The following SLC12A2 variants were observed in gnomAD, a reference collection of about 807,000 sequenced individuals.
SLC12A2 encodes the protein Na-K-2Cl cotransporter 1.
SLC12A2 carries 67 observed loss-of-function variants against 136.3 expected under a neutral mutation model. The observed-to-expected ratio is 0.49, with a 90% CI of 0.40 to 0.60. SLC12A2 has a LOEUF of 0.60. Among genes scored for constraint, SLC12A2 ranks in the 20% least tolerant of loss-of-function variants. SLC12A2 has a pLI of 0.00. For missense variants in SLC12A2, 1,322 were observed against 1,534.7 expected, an observed-to-expected ratio of 0.86 and a Z score of 2.32; for synonymous variants, 619 against 562.9, an observed-to-expected ratio of 1.10 and a Z score of -1.41.
At chr5:128,107,034 G>T (rs116089879) in intron 1 of SLC12A2, among the ~76,000 whole-genome samples, 2,082 of 151,874 alleles carry the variant, frequency 0.014, 50 homozygotes, top group African/African-American at 0.048. Context: ...GTATTCTATG[G>T]TGAAAGATAA....
chr5:128,152,599 T>C, intron 14 of SLC12A2, 107 bp from the exon 15 acceptor site: 1 of 741,112 alleles, frequency 1.3e-6, no homozygotes, highest in Admixed American at 1.9e-5. Flanking sequence ...ATTTCAGCAA[T>C]TGACTTTTTA....
At chr5:128,154,278 T>C (rs755987412) in intron 15 of SLC12A2, among the ~76,000 whole-genome samples, 1 of 151,936 alleles carries the variant, frequency 6.6e-6, no homozygotes, top group Non-Finnish European at 1.5e-5. Context: ...ATTTACAAAA[T>C]AGCCAAGTAT....
rs1348618360 is a variant in SLC12A2 at position 128,148,754 on chromosome 5, G to A, written c.1882G>A (p.Ala628Thr). ...TCATTTTAATGTTTTCTTTCATTAG[G>A]CTCTATGTAAGGACAACATCTACCC... ...SLVSAPKIFQ[A>T]LCKDNIYPAF... Residue 628 changes from alanine (A) to threonine (T), a missense_variant and splice_region_variant, in exon 12 of 27, where the codon GCT becomes ACT. Transcript: ENST00000262461. 1 of 1,580,344 alleles carries A rather than the reference G, an allele frequency of 6.3e-7. No individual in the cohort carries two copies. The highest frequency in any genetic ancestry group is 1.4e-5 in the African/African-American group (1 of 72,954).
At chr5:128,177,409 AT>A in intron 21 of SLC12A2, 54 of 291,314 alleles carry the variant, frequency 1.9e-4, no homozygotes, top group Non-Finnish European at 2.6e-4. Context: ...GCCGGTATTA[AT>A]TTTTTTTAAT....
At position 128,186,987 on chromosome 5, in the gene SLC12A2, A is replaced by T; in HGVS notation, c.*356A>T. 5.7e-6 allele frequency: 1 copy of T among 175,388 alleles called. No individual in the cohort carries two copies. The highest frequency in any genetic ancestry group is 1.5e-4 in the East Asian group (1 of 6,560). The allele number at this position is 175,388 out of a possible 1,614,324, so 10.9% of individuals were successfully genotyped here. A position where few individuals can be genotyped will look rare whatever the true frequency, so the allele number is the denominator to read the frequency against. ...TGCCTTCTGAAATTAACCAAATTTCATCCATATATCCTCTTTTATAAACTT... is the reference window on the plus strand; with the variant it reads ...TGCCTTCTGAAATTAACCAAATTTCTTCCATATATCCTCTTTTATAAACTT... On this transcript the variant is annotated 3_prime_UTR_variant, in exon 27 of 27. Transcript: ENST00000262461.
intron 9 of SLC12A2, 103 bp from the exon 10 acceptor site, chr5:128,141,727 G>A (rs1387675251): frequency 7.1e-6 from 6 of 847,482 alleles, no homozygotes; most frequent in African/African-American, 6.9e-5. Context: ...GAGTAGATAT[G>A]TAGTCACTAC....
intron 15 of SLC12A2, among the ~76,000 whole-genome samples, chr5:128,155,011 C>G (rs1486652746): frequency 1.3e-5 from 2 of 151,828 alleles, no homozygotes; most frequent in Non-Finnish European, 1.5e-5. Context: ...AGCATCACTA[C>G]TCTTGTGCTT....
intron 4 of SLC12A2, among the ~76,000 whole-genome samples, chr5:128,121,447 C>T (rs949503903): frequency 1.3e-5 from 2 of 151,934 alleles, no homozygotes; most frequent in Non-Finnish European, 2.9e-5. Flanking sequence ...CTCAGCCTCC[C>T]GAGTAGCTGG....
intron 21 of SLC12A2, 200 bp from the exon 22 acceptor site, chr5:128,178,367 A>G (rs1462267954): frequency 2.9e-6 from 1 of 339,332 alleles, no homozygotes; most frequent in Non-Finnish European, 5.3e-6. Flanking sequence ...TATTGTAAAG[A>G]GTTATTTCTC....
At chr5:128,129,915 AAAT>A (rs1196246063) in intron 4 of SLC12A2, among the ~76,000 whole-genome samples, 2 of 152,194 alleles carry the variant, frequency 1.3e-5, no homozygotes, top group Non-Finnish European at 2.9e-5. Context: ...AAGTTAGAAA[AAAT>A]AACTTGCTTC....
chr5:128,147,559 ATTGTG>A (rs1281537652), intron 10 of SLC12A2, 58 bp from the exon 11 acceptor site: 2 of 1,020,426 alleles, frequency 2.0e-6, no homozygotes, highest in African/African-American at 3.2e-5. Flanking sequence ...ACCACATAAT[ATTGTG>A]TTATTTTCTG....
At chr5:128,121,002 G>A (rs1256328030) in intron 4 of SLC12A2, among the ~76,000 whole-genome samples, 1 of 152,030 alleles carries the variant, frequency 6.6e-6, no homozygotes, top group Non-Finnish European at 1.5e-5. Context: ...TGAAAATTAT[G>A]TGTTTGCAGC....
At chr5:128,102,607 T>C in intron 1 of SLC12A2, among the ~76,000 whole-genome samples, 1 of 70,786 alleles carries the variant, frequency 1.4e-5, no homozygotes, top group Non-Finnish European at 2.5e-5. Context: ...TTTTTTTTTT[T>C]TTTTTTTTTT....
chr5:128,126,966 A>ATATATATATATATATATTTTTT, intron 4 of SLC12A2, among the ~76,000 whole-genome samples: 1 of 21,156 alleles, frequency 4.7e-5, no homozygotes, highest in African/African-American at 2.5e-4. Flanking sequence ...ATATATATAT[A>ATATATATATATATATATTTTTT]TTTTTTTTTT....
At chr5:128,140,698 T>A (rs781346723) in intron 9 of SLC12A2, among the ~76,000 whole-genome samples, 9 of 151,982 alleles carry the variant, frequency 5.9e-5, no homozygotes, top group Admixed American at 1.3e-4. Flanking sequence ...AAGTGGAACC[T>A]TCCCCCCCCA....
At chr5:128,092,642 A>G (rs1760376934) in intron 1 of SLC12A2, among the ~76,000 whole-genome samples, 1 of 152,196 alleles carries the variant, frequency 6.6e-6, no homozygotes, top group South Asian at 2.1e-4. Flanking sequence ...TTATAATGAG[A>G]TATCTCAATT....
At chr5:128,146,614 A>G (rs1448077981) in intron 10 of SLC12A2, among the ~76,000 whole-genome samples, 1 of 151,310 alleles carries the variant, frequency 6.6e-6, no homozygotes, top group Non-Finnish European at 1.5e-5. Context: ...TATACCTAGT[A>G]TCTACATTAC....
At chr5:128,166,946 G>A (rs997306876) in intron 17 of SLC12A2, among the ~76,000 whole-genome samples, 2 of 151,774 alleles carry the variant, frequency 1.3e-5, no homozygotes, top group Non-Finnish European at 2.9e-5. Flanking sequence ...GTGTCTGCAG[G>A]TTCCACATCT....
At chr5:128,089,551 G>C (rs1329372894) in intron 1 of SLC12A2, among the ~76,000 whole-genome samples, 1 of 152,164 alleles carries the variant, frequency 6.6e-6, no homozygotes, top group Non-Finnish European at 1.5e-5. Flanking sequence ...GGGACCCCTT[G>C]GGGATTACCA....
Sources: gnomAD v4.1 joint callset for allele counts (sites outside exome capture counted in the v4.1 genomes callset) on GRCh38, gnomAD v4.1.1 for gene constraint, MANE v1.5 for transcripts, NCBI Gene and HGNC (gene_info 2026-07-23, HGNC 2026-07-21) for gene names.